The following SMG6 variants were observed in gnomAD, a reference collection of about 807,000 sequenced individuals.
SMG6 encodes telomerase-binding protein EST1A.
A neutral mutation model predicts 142.2 loss-of-function variants in SMG6; 66 were observed. That is an observed-to-expected ratio of 0.46 (90% CI 0.38 to 0.57). SMG6 has a LOEUF of 0.57. Among genes scored for constraint, SMG6 ranks in the 20% least tolerant of loss-of-function variants. SMG6 has a pLI of 0.00. For missense variants in SMG6, 1,793 were observed against 1,832.0 expected (o/e 0.98, Z 0.39); for synonymous variants, 779 against 702.4 (o/e 1.11, Z -1.72).
At chr17:2,079,845 C>A (rs535183487) in intron 15 of SMG6, among the ~76,000 whole-genome samples, 6 of 152,056 alleles carry the variant, frequency 3.9e-5, no homozygotes, top group Non-Finnish European at 8.8e-5. Flanking sequence ...GAGGCCAAGG[C>A]GGGCAGATCA....
In SMG6 at chr17:2,297,855, C is replaced by A. The variant is rs147488524; in HGVS notation, c.2040+8G>T. The A allele has an allele frequency of 1.4e-3, 2,206 of 1,607,268 alleles. 29 individuals carry two copies. The African/African-American group carries it at 0.025, about 18-fold the overall frequency. On this transcript the variant is annotated splice_region_variant and intron_variant, in intron 3 of 18. Coordinates refer to ENST00000263073, the MANE Select transcript of SMG6 (RefSeq NM_017575.5). ...CTTTATCCTGAGGACAAAAAGATGACAGTTTACCTCATCCAAGAGCTCCAA... is the reference window on the plus strand; with the variant it reads ...CTTTATCCTGAGGACAAAAAGATGAAAGTTTACCTCATCCAAGAGCTCCAA...
At chr17:2,094,318 T>G (rs755650943) in intron 13 of SMG6, among the ~76,000 whole-genome samples, 1 of 152,082 alleles carries the variant, frequency 6.6e-6, no homozygotes, top group Non-Finnish European at 1.5e-5. Context: ...TGGCGAGATA[T>G]CAGCTCACTG....
At chr17:2,174,764 AG>A (rs1355755937) in intron 12 of SMG6, among the ~76,000 whole-genome samples, 1 of 152,192 alleles carries the variant, frequency 6.6e-6, no homozygotes, top group Non-Finnish European at 1.5e-5. Context: ...TTTGGCTGTC[AG>A]AAATGTTTAA....
At chr17:2,145,088 G>A (rs936217015) in intron 13 of SMG6, among the ~76,000 whole-genome samples, 1 of 152,058 alleles carries the variant, frequency 6.6e-6, no homozygotes, top group Non-Finnish European at 1.5e-5. Flanking sequence ...TTATATTATA[G>A]TTAGCATTTT....
intron 13 of SMG6, among the ~76,000 whole-genome samples, chr17:2,096,899 C>T (rs2068870683): frequency 6.6e-6 from 1 of 152,222 alleles, no homozygotes; most frequent in South Asian, 2.1e-4. Context: ...ACTAGGCCTA[C>T]ACTTCATTCA....
At chr17:2,079,311 A>T (rs1305404147) in intron 15 of SMG6, among the ~76,000 whole-genome samples, 1 of 152,224 alleles carries the variant, frequency 6.6e-6, no homozygotes, top group Non-Finnish European at 1.5e-5. Context: ...CTGGGTTGAG[A>T]GTCAAGAAAT....
intron 10 of SMG6, among the ~76,000 whole-genome samples, chr17:2,191,613 C>A (rs2072166377): frequency 6.6e-6 from 1 of 152,184 alleles, no homozygotes; most frequent in Non-Finnish European, 1.5e-5. Flanking sequence ...AGGGTTTTGG[C>A]TAAGGAAGTC....
intron 1 of SMG6, among the ~76,000 whole-genome samples, chr17:2,301,796 C>G (rs1440736894): frequency 6.6e-6 from 1 of 152,156 alleles, no homozygotes; most frequent in African/African-American, 2.4e-5. Context: ...ACGCGGAGAT[C>G]GCGCCAGTGC....
chr17:2,075,646 C>T (rs1359972195), intron 15 of SMG6, among the ~76,000 whole-genome samples: 1 of 152,224 alleles, frequency 6.6e-6, no homozygotes, highest in Non-Finnish European at 1.5e-5. Context: ...GAATCAAACA[C>T]TTCTGACCAA....
intron 10 of SMG6, among the ~76,000 whole-genome samples, chr17:2,207,141 TAGC>T (rs1201564212): frequency 4.6e-5 from 4 of 87,718 alleles, no homozygotes; most frequent in Admixed American, 2.4e-4. Flanking sequence ...AAAAAAAAAA[TAGC>T]AGGCATGGTG....
At chr17:2,220,916 A>G (rs2073151608) in intron 10 of SMG6, among the ~76,000 whole-genome samples, 1 of 152,204 alleles carries the variant, frequency 6.6e-6, no homozygotes, top group Non-Finnish European at 1.5e-5. Flanking sequence ...ATGAAACCCA[A>G]AATGTTAAAT....
intron 13 of SMG6, chr17:2,127,468 G>A (rs1430593980): frequency 4.8e-6 from 4 of 841,058 alleles, no homozygotes; most frequent in Non-Finnish European, 7.9e-6. Context: ...TGTTAGGCAC[G>A]TAAATATAGA....
intron 13 of SMG6, among the ~76,000 whole-genome samples, chr17:2,168,430 G>C (rs185558293): frequency 2.0e-5 from 3 of 152,078 alleles, no homozygotes; most frequent in Non-Finnish European, 1.5e-5. Context: ...TGATCCACCC[G>C]CCTCAGCCTC....
Position 2,282,753 on chromosome 17 carries a change from C to T in SMG6, c.2555G>A (p.Arg852His). The T allele has an allele frequency of 6.2e-7, 1 of 1,614,170 alleles. No homozygotes were observed. The highest frequency in any genetic ancestry group is 8.5e-7 in the Non-Finnish European group (1 of 1,180,040). The stretch of plus-strand genomic sequence containing the variant: ...GGATGGATGAATCCAGATCTCCAGG[C>T]GAGTGGTGTCATCTCCAACATGCCG... ...TFRHVGDDTT[R>H]LEIWIHPSHP... Residue 852 changes from arginine to histidine, a missense_variant, in exon 8 of 19, where the codon CGC (arginine) becomes CAC (histidine). By Grantham distance (29) the Arg-to-His change is conservative. Coordinates refer to ENST00000263073, the MANE Select transcript of SMG6 (RefSeq NM_017575.5).
rs1211215911 is a variant in SMG6 at position 2,161,897 on chromosome 17, G to A, written c.3357+10761C>T. ...AACCTTTCCTTCTTTGTTTATCCTC[G>A]GGAACTATTCTGAGTCCCTTTAAAT... On this transcript the variant is annotated intron_variant, in intron 13 of 18. Coordinates refer to ENST00000263073, the MANE Select transcript of SMG6 (RefSeq NM_017575.5). Among the ~76,000 whole-genome samples the A allele has an allele frequency of 2.6e-5, 4 of 152,136 alleles. No homozygotes were observed. The South Asian group carries it at 6.2e-4, about 24-fold the overall frequency.
At position 2,161,718 on chromosome 17, in the gene SMG6, TA is replaced by T. The variant is rs112428763; in HGVS notation, c.3357+10939del. On this transcript the variant is annotated intron_variant, in intron 13 of 18. Coordinates refer to ENST00000263073, the MANE Select transcript of SMG6 (RefSeq NM_017575.5). ...CACTCTCAAGTCTCAAGGATTTGTCTAAAAAAAAAAAAAATCAAATTCTCTC... is the reference window on the plus strand; with the variant it reads ...CACTCTCAAGTCTCAAGGATTTGTCTAAAAAAAAAAAAATCAAATTCTCTC... Among the ~76,000 whole-genome samples, 324 of 142,178 alleles carry T rather than the reference TA, an allele frequency of 2.3e-3. 1 individual carries two copies. Among genetic ancestry groups the T allele is most frequent in the South Asian group, 4.7e-3 (21 of 4,510 alleles). 93.3% of individuals were successfully genotyped at this position (142,178 alleles called of 152,430 possible).
chr17:2,084,447 G>A (rs1403386678), intron 14 of SMG6, among the ~76,000 whole-genome samples: 4 of 152,204 alleles, frequency 2.6e-5, no homozygotes, highest in Non-Finnish European at 4.4e-5. Flanking sequence ...TGTCCTGGAA[G>A]CTGAGCCCTA....
chr17:2,151,237 C>T (rs2070815648), intron 13 of SMG6, among the ~76,000 whole-genome samples: 1 of 152,226 alleles, frequency 6.6e-6, no homozygotes, highest in Admixed American at 6.5e-5. Flanking sequence ...TTAGATTCCA[C>T]ATTTGCAGAT....
Position 2,300,541 on chromosome 17 carries a change from C to T in SMG6, c.212G>A (p.Ser71Asn). Reference protein sequence around the residue: ...NKPKIKEPPGSEEFKDEIVND... With the variant: ...NKPKIKEPPGNEEFKDEIVND... ...AACAATTTCATCTTTGAATTCCTCA[C>T]TCCCAGGGGGTTCCTTGATTTTGGG... is the stretch of plus-strand genomic sequence containing the variant. Residue 71 changes from serine to asparagine, a missense_variant, in exon 2 of 19, where the codon AGT becomes AAT. Ser to Asn is a conservative substitution (Grantham distance 46, BLOSUM62 1). Coordinates refer to ENST00000263073, the MANE Select transcript of SMG6 (RefSeq NM_017575.5). 3 of 1,614,100 alleles carry T rather than the reference C, an allele frequency of 1.9e-6. No homozygotes were observed. The highest frequency in any genetic ancestry group is 1.3e-5 in the African/African-American group (1 of 75,024).
Sources: gnomAD v4.1 joint callset for allele counts (sites outside exome capture counted in the v4.1 genomes callset) on GRCh38, gnomAD v4.1.1 for gene constraint, MANE v1.5 for transcripts, NCBI Gene and HGNC (gene_info 2026-07-23, HGNC 2026-07-21) for gene names.